ADGRL3: variants seen among roughly 807,000 people sequenced by gnomAD.
ADGRL3 encodes the protein adhesion G protein-coupled receptor L3.
A neutral mutation model predicts 153.5 loss-of-function variants in ADGRL3; 62 were observed. That is an observed-to-expected ratio of 0.40 (90% CI 0.33 to 0.50). ADGRL3 has a LOEUF of 0.50. ADGRL3 is among the 20% of genes least tolerant of loss of function. ADGRL3 has a pLI of 0.47. For missense variants in ADGRL3, 1,641 were observed against 1,859.4 expected (o/e 0.88, Z 2.16); for synonymous variants, 710 against 672.5 (o/e 1.06, Z -0.86).
chr4:61,847,882 T>C (rs1445922720), intron 9 of ADGRL3, among the ~76,000 whole-genome samples: 18 of 21,020 alleles, frequency 8.6e-4, no homozygotes, highest in African/African-American at 2.4e-3. Flanking sequence ...ATATTATATA[T>C]AATATAAAAT....
chr4:61,701,067 T>G (rs767895139), intron 6 of ADGRL3, among the ~76,000 whole-genome samples: 3 of 152,122 alleles, frequency 2.0e-5, no homozygotes, highest in African/African-American at 4.8e-5. Flanking sequence ...TTGTATGAGG[T>G]ACAATTGAAA....
chr4:61,934,886 A>G lies in ADGRL3; in HGVS notation c.2159A>G (p.Asn720Ser). Reference sequence around the variant, plus strand: ...AACCTCCTTCAGCCACAAGCTTTGAATGCATGGAGAGACCTGACTACGAGT... The same window carrying G: ...AACCTCCTTCAGCCACAAGCTTTGAGTGCATGGAGAGACCTGACTACGAGT... ...VNNLLQPQAL[N>S]AWRDLTTSDQ... Residue 720 changes from asparagine to serine, a missense_variant, in exon 14 of 27, where the codon AAT (asparagine) becomes AGT (serine). Asn to Ser is a conservative substitution (Grantham distance 46, BLOSUM62 1). This residue lies in a region of ADGRL3 where 734 missense variants were observed against 797.0 expected (regional missense o/e 0.92). Transcript: ENST00000683033. 6.2e-7 allele frequency: 1 copy of G among 1,613,788 alleles called. No homozygotes were observed. The highest frequency in any genetic ancestry group is 1.3e-5 in the African/African-American group (1 of 75,044).
chr4:62,024,987 T>C (rs567329660), intron 21 of ADGRL3, among the ~76,000 whole-genome samples: 221 of 151,508 alleles, frequency 1.5e-3, no homozygotes, highest in African/African-American at 5.2e-3. Context: ...CCTATAGTGA[T>C]GAACAAAGAA....
intron 5 of ADGRL3, among the ~76,000 whole-genome samples, chr4:61,663,214 A>T (rs902781258): frequency 2.0e-5 from 3 of 152,144 alleles, no homozygotes; most frequent in Non-Finnish European, 4.4e-5. Flanking sequence ...AGAAGAGAGA[A>T]GGTGAGAATA....
intron 8 of ADGRL3, among the ~76,000 whole-genome samples, chr4:61,766,102 G>A (rs1280030271): frequency 6.6e-6 from 1 of 152,006 alleles, no homozygotes; most frequent in Non-Finnish European, 1.5e-5. Flanking sequence ...GGGGAAATGG[G>A]GTTAATGTCA....
chr4:61,681,797 T>C (rs1441965789), intron 6 of ADGRL3, among the ~76,000 whole-genome samples: 1 of 152,060 alleles, frequency 6.6e-6, no homozygotes, highest in Non-Finnish European at 1.5e-5. Flanking sequence ...ACACATTTGG[T>C]TACTATTATG....
At chr4:61,755,135 G>A (rs936905559) in intron 8 of ADGRL3, among the ~76,000 whole-genome samples, 56 of 152,278 alleles carry the variant, frequency 3.7e-4, no homozygotes, top group African/African-American at 1.3e-3. Flanking sequence ...TATATACCCA[G>A]TAATGGGATG....
intron 9 of ADGRL3, among the ~76,000 whole-genome samples, chr4:61,872,087 C>T (rs2098448747): frequency 6.6e-6 from 1 of 152,108 alleles, no homozygotes. Flanking sequence ...TAGAAAATGC[C>T]TGGCACACAG....
chr4:61,487,072 T>C (rs892448454), intron 2 of ADGRL3, among the ~76,000 whole-genome samples: 1 of 152,232 alleles, frequency 6.6e-6, no homozygotes, highest in African/African-American at 2.4e-5. Flanking sequence ...CCTCACTCCA[T>C]TCAACCTACA....
rs566032898 is a variant in ADGRL3, at chr4:62,074,812, A to G, written c.*3904A>G. ...ATTAAGGAAAGGATCTTTAAGATCT[A>G]GGTTTAAGATTCTTATTAGTATTAA... On this transcript the variant is annotated 3_prime_UTR_variant, in exon 27 of 27. Coordinates refer to ENST00000683033, the MANE Select transcript of ADGRL3 (RefSeq NM_001387552.1). 6.6e-6 allele frequency: 1 copy of G among 152,326 alleles called. No homozygotes were observed. Among genetic ancestry groups the G allele is most frequent in the African/African-American group, 2.4e-5 (1 of 41,582 alleles). The allele number at this position is 152,326 out of a possible 1,614,324, so 9.4% of individuals were successfully genotyped here. A position where few individuals can be genotyped will look rare whatever the true frequency, so the allele number is the denominator to read the frequency against.
intron 1 of ADGRL3, among the ~76,000 whole-genome samples, chr4:61,222,507 C>T (rs1746091099): frequency 6.6e-6 from 1 of 152,076 alleles, no homozygotes; most frequent in Non-Finnish European, 1.5e-5. Context: ...GTTATACTGA[C>T]TTCCTAGAAA....
chr4:61,938,464 C>T lies in ADGRL3; in HGVS notation c.2419+2419C>T, dbSNP rs571522206. Reference sequence around the variant, plus strand: ...TCATCATAATCTCTTTGCTGGATTACTGAAATGATAATGGATATCTCATAG... The same window carrying T: ...TCATCATAATCTCTTTGCTGGATTATTGAAATGATAATGGATATCTCATAG... On this transcript the variant is annotated intron_variant, in intron 15 of 26. Coordinates refer to ENST00000683033, the MANE Select transcript of ADGRL3 (RefSeq NM_001387552.1). Among the ~76,000 whole-genome samples the T allele has an allele frequency of 1.4e-4, 22 of 152,194 alleles. No homozygotes were observed. The East Asian group carries it at 2.5e-3, about 17-fold the overall frequency.
At chr4:61,752,512 A>C (rs2152072009) in intron 8 of ADGRL3, among the ~76,000 whole-genome samples, 1 of 152,326 alleles carries the variant, frequency 6.6e-6, no homozygotes, top group Admixed American at 6.5e-5. Flanking sequence ...CTTCATCCTC[A>C]GAGATAAGAA....
chr4:61,554,157 C>T (rs572096393), intron 4 of ADGRL3, among the ~76,000 whole-genome samples: 1 of 117,200 alleles, frequency 8.5e-6, no homozygotes, highest in Non-Finnish European at 1.8e-5. Context: ...AAAAATGTCT[C>T]TCCTAACTTA....
Position 61,461,187 on chromosome 4 carries a change from A to G in ADGRL3, c.-173-35934A>G, listed in dbSNP as rs753789827. On this transcript the variant is annotated intron_variant, in intron 2 of 26. Coordinates refer to ENST00000683033, the MANE Select transcript of ADGRL3 (RefSeq NM_001387552.1). ...TTATCTCCCACTGGGTCCCTCCCAC[A>G]ATACGTGGGAATTATGGGAGCTACA... 6.6e-5 allele frequency among the ~76,000 whole-genome samples: 10 copies of G among 152,130 alleles called. 1 individual carries two copies. The highest frequency in any genetic ancestry group is 1.5e-4 in the Non-Finnish European group (10 of 68,016).
intron 2 of ADGRL3, among the ~76,000 whole-genome samples, chr4:61,407,432 T>C (rs1017226354): frequency 1.3e-5 from 2 of 152,136 alleles, no homozygotes; most frequent in African/African-American, 4.8e-5. Flanking sequence ...AATAGTCCCT[T>C]AATTTCATTT....
chr4:61,718,857 A>G (rs1268671793), intron 6 of ADGRL3, among the ~76,000 whole-genome samples: 1 of 152,202 alleles, frequency 6.6e-6, no homozygotes, highest in African/African-American at 2.4e-5. Context: ...CCAATAGAGC[A>G]AAGAATAATG....
At chr4:61,705,144 C>T (rs1396888440) in intron 6 of ADGRL3, among the ~76,000 whole-genome samples, 2 of 152,106 alleles carry the variant, frequency 1.3e-5, no homozygotes, top group Non-Finnish European at 2.9e-5. Context: ...TTTCAATTTA[C>T]TTTGCCCAGA....
At chr4:61,750,182 T>TAAAAAAAAAAAAAAAAAAAAAAAAAA (rs60768535) in intron 8 of ADGRL3, among the ~76,000 whole-genome samples, 2 of 94,614 alleles carry the variant, frequency 2.1e-5, no homozygotes, top group Non-Finnish European at 4.4e-5. Context: ...AGGGGATGGT[T>TAAAAAAAAAAAAAAAAAAAAAAAAAA]AAAAAAAAAA....
Sources: allele counts gnomAD v4.1 joint callset (sites outside exome capture counted in the v4.1 genomes callset), GRCh38; gene constraint gnomAD v4.1.1; regional missense constraint gnomAD v4.1.1; transcripts MANE v1.5; gene names NCBI Gene and HGNC (gene_info 2026-07-23, HGNC 2026-07-21).